GNAZ: variants seen among roughly 807,000 people sequenced by gnomAD.
The protein encoded by GNAZ is guanine nucleotide-binding protein G(z) subunit alpha.
GNAZ carries 3 observed loss-of-function variants against 25.4 expected under a neutral mutation model. That is an observed-to-expected ratio of 0.12 (90% CI 0.05 to 0.30). GNAZ has a LOEUF of 0.30. Ranked by LOEUF, GNAZ falls within the 10% of genes least tolerant of loss-of-function variation. GNAZ has a pLI of 1.00. For synonymous variants in GNAZ, 211 were observed against 205.7 expected, an observed-to-expected ratio of 1.03 and a Z score of -0.22; for missense variants, 241 against 501.8, an observed-to-expected ratio of 0.48 and a Z score of 4.97.
chr22:23,098,158 C>A (rs903409551), intron 2 of GNAZ, among the ~76,000 whole-genome samples: 1 of 152,236 alleles, frequency 6.6e-6, no homozygotes, highest in Admixed American at 6.5e-5. Context: ...CACCTTGCTG[C>A]CTCTCTCTCC....
chr22:23,124,703 C>T lies in GNAZ; in HGVS notation c.*1272C>T, dbSNP rs2070131297. The T allele has an allele frequency of 5.3e-6, 1 of 189,712 alleles. No homozygotes were observed. The highest frequency in any genetic ancestry group is 1.1e-5 in the Non-Finnish European group (1 of 89,014). The allele number at this position is 189,712 out of a possible 1,614,324, so 11.8% of individuals were successfully genotyped here. ...AGACTGGCTGGAAATGCTCTGACTC[C>T]TGTGAAGGCACAGCCAGCGTTGTGG... is the stretch of plus-strand genomic sequence containing the variant. On this transcript the variant is annotated 3_prime_UTR_variant, in exon 3 of 3. Coordinates refer to ENST00000615612, the MANE Select transcript of GNAZ (RefSeq NM_002073.4).
At chr22:23,091,572 C>T (rs905131881) in intron 1 of GNAZ, among the ~76,000 whole-genome samples, 14 of 151,626 alleles carry the variant, frequency 9.2e-5, no homozygotes, top group African/African-American at 1.9e-4. Context: ...GCACACGCAC[C>T]GCAGTGGATT....
intron 2 of GNAZ, among the ~76,000 whole-genome samples, chr22:23,099,442 C>T (rs2069230725): frequency 6.6e-6 from 1 of 152,382 alleles, no homozygotes; most frequent in East Asian, 1.9e-4. Context: ...CCAGCTGGGG[C>T]TTCCTCAGGC....
chr22:23,081,554 G>T (rs978150460), intron 1 of GNAZ, among the ~76,000 whole-genome samples: 5 of 151,432 alleles, frequency 3.3e-5, no homozygotes, highest in Non-Finnish European at 7.3e-5. Context: ...GGCCAATCAG[G>T]TTCATGCCTG....
At chr22:23,094,981 T>C (rs1011431023) in intron 1 of GNAZ, among the ~76,000 whole-genome samples, 20 of 152,202 alleles carry the variant, frequency 1.3e-4, no homozygotes, top group Non-Finnish European at 2.9e-5. Flanking sequence ...GCATGGGGGC[T>C]GGGTGGGCAG....
In GNAZ at chr22:23,122,970, C is replaced by T. The variant is rs1601842178; in HGVS notation, c.724-117C>T. On this transcript the variant is annotated intron_variant, in intron 2 of 2. Transcript: ENST00000615612. The stretch of plus-strand genomic sequence containing the variant: ...TCCCCAGCAGAAGGAGGTGCCATTG[C>T]AGGGACCAGTCTTGGGCTGAGACCC... The T allele has an allele frequency of 6.0e-6, 4 of 671,828 alleles. No homozygotes were observed. In the East Asian group the frequency reaches 1.0e-4, roughly 17 times the overall value. The allele number at this position is 671,828 out of a possible 1,614,324, so 41.6% of individuals were successfully genotyped here.
At chr22:23,085,694 T>TC (rs1329841455) in intron 1 of GNAZ, among the ~76,000 whole-genome samples, 3 of 152,188 alleles carry the variant, frequency 2.0e-5, no homozygotes, top group Non-Finnish European at 4.4e-5. Flanking sequence ...GCCCTGGTTG[T>TC]CCCAGCTTGT....
intron 2 of GNAZ, among the ~76,000 whole-genome samples, chr22:23,104,339 G>A (rs2069396784): frequency 6.6e-6 from 1 of 152,162 alleles, no homozygotes; most frequent in Admixed American, 6.5e-5. Flanking sequence ...TCAGCCCCAG[G>A]ACTGTGTCCC....
Position 23,095,515 on chromosome 22 carries a change from T to C in GNAZ, c.-181T>C. ...CCACCGCCCGCTGCACAGAGCGCCA[T>C]GCCGGCTGGAGAAGAGGCGCTGGGG... On this transcript the variant is annotated 5_prime_UTR_variant, in exon 2 of 3. The change abolishes an upstream ATG in the 5' untranslated region. Transcript: ENST00000615612. 1 of 656,390 alleles carries C rather than the reference T, an allele frequency of 1.5e-6. No homozygotes were observed. The highest frequency in any genetic ancestry group is 2.6e-6 in the Non-Finnish European group (1 of 388,238). 40.7% of individuals were successfully genotyped at this position (656,390 alleles called of 1,614,324 possible). A position where few individuals can be genotyped will look rare whatever the true frequency, so the allele number is the denominator to read the frequency against.
In GNAZ at chr22:23,099,693, A is replaced by C. The variant is rs186467341; in HGVS notation, c.723+3275A>C. Among the ~76,000 whole-genome samples, 6 of 152,370 alleles carry C rather than the reference A, an allele frequency of 3.9e-5. No homozygotes were observed. The East Asian group carries it at 1.2e-3, about 29-fold the overall frequency. On this transcript the variant is annotated intron_variant, in intron 2 of 2. Transcript: ENST00000615612. ...TCCCACTTAGCCAGAGCCATGGCAGAGGCTCTGCCCCTCGTCTTTAGTACA... is the reference window on the plus strand; with the variant it reads ...TCCCACTTAGCCAGAGCCATGGCAGCGGCTCTGCCCCTCGTCTTTAGTACA...
intron 1 of GNAZ, among the ~76,000 whole-genome samples, chr22:23,085,516 A>AG (rs1186121102): frequency 6.6e-6 from 1 of 152,204 alleles, no homozygotes; most frequent in African/African-American, 2.4e-5. Flanking sequence ...GAGCAACGGG[A>AG]GAAGCAGTGG....
At chr22:23,085,232 T>C (rs1030694228) in intron 1 of GNAZ, among the ~76,000 whole-genome samples, 6 of 152,192 alleles carry the variant, frequency 3.9e-5, no homozygotes, top group Non-Finnish European at 8.8e-5. Context: ...CATTTTTCTC[T>C]GTGTCCTCTT....
intron 1 of GNAZ, among the ~76,000 whole-genome samples, chr22:23,081,549 A>G (rs551886303): frequency 4.6e-5 from 7 of 151,876 alleles, no homozygotes; most frequent in Admixed American, 3.3e-4. Flanking sequence ...TTATAGGCCA[A>G]TCAGGTTCAT....
At chr22:23,090,048 G>A (rs1351717758) in intron 1 of GNAZ, among the ~76,000 whole-genome samples, 3 of 152,090 alleles carry the variant, frequency 2.0e-5, no homozygotes, top group Non-Finnish European at 4.4e-5. Flanking sequence ...CACCCTTCAC[G>A]CTGCAAACAC....
At chr22:23,112,668 G>C (rs2069687430) in intron 2 of GNAZ, among the ~76,000 whole-genome samples, 1 of 152,236 alleles carries the variant, frequency 6.6e-6, no homozygotes, top group Non-Finnish European at 1.5e-5. Flanking sequence ...AACACCAGCG[G>C]GGTGGGAATG....
In GNAZ at chr22:23,123,773, T is replaced by G; in HGVS notation, c.*342T>G. On this transcript the variant is annotated 3_prime_UTR_variant, in exon 3 of 3. Transcript: ENST00000615612. The stretch of plus-strand genomic sequence containing the variant: ...CTTCCTGAGTTGGCCCCACTCCACT[T>G]GGGGGTCTGCATTGGATTGTTAGGG... 1 of 303,030 alleles carries G rather than the reference T, an allele frequency of 3.3e-6. No homozygotes were observed. 18.8% of individuals were successfully genotyped at this position (303,030 alleles called of 1,614,324 possible).
At chr22:23,111,168 ACTGT>A (rs1212142906) in intron 2 of GNAZ, among the ~76,000 whole-genome samples, 19 of 152,132 alleles carry the variant, frequency 1.2e-4, no homozygotes, top group African/African-American at 4.6e-4. Flanking sequence ...GAGTGGCCTC[ACTGT>A]CTGCCTGGTT....
intron 1 of GNAZ, among the ~76,000 whole-genome samples, chr22:23,073,151 C>T (rs1238957519): frequency 6.6e-6 from 1 of 152,244 alleles, no homozygotes; most frequent in Non-Finnish European, 1.5e-5. Flanking sequence ...GGCAAAGGCA[C>T]TCTCACTGCT....
At chr22:23,111,084 G>A (rs1195492252) in intron 2 of GNAZ, among the ~76,000 whole-genome samples, 16 of 152,224 alleles carry the variant, frequency 1.1e-4, no homozygotes, top group Non-Finnish European at 1.6e-4. Context: ...GGGGGCCTGC[G>A]CGCCTTCCCT....
Sources: allele counts gnomAD v4.1 joint callset (sites outside exome capture counted in the v4.1 genomes callset), GRCh38; gene constraint gnomAD v4.1.1; transcripts MANE v1.5; gene names NCBI Gene and HGNC (gene_info 2026-07-23, HGNC 2026-07-21).